Variants in EXOC6B observed in about 807,000 individuals in gnomAD.
EXOC6B encodes exocyst complex component 6B, also known as SEC15 homolog B.
Under a neutral mutation model 113.5 loss-of-function variants are expected in EXOC6B, and 54 were observed. The ratio of observed to expected loss-of-function variants is 0.48; its 90% CI spans 0.38 to 0.60. The LOEUF (loss-of-function observed/expected upper bound fraction) is 0.60. Among genes scored for constraint, EXOC6B ranks in the 20% least tolerant of loss-of-function variants. The pLI, the probability that EXOC6B is intolerant of heterozygous loss-of-function variation, is 0.00. For missense variants in EXOC6B, 797 were observed against 977.5 expected (o/e 0.82, Z 2.46); for synonymous variants, 357 against 339.0 (o/e 1.05, Z -0.58).
intron 6 of EXOC6B, among the ~76,000 whole-genome samples, chr2:72,611,204 A>T (rs1037697760): frequency 1.3e-5 from 2 of 152,140 alleles, no homozygotes; most frequent in Non-Finnish European, 2.9e-5. Flanking sequence ...TCTACTAAAA[A>T]ATACAAAAAA....
At chr2:72,643,441 G>T (rs867889796) in intron 6 of EXOC6B, among the ~76,000 whole-genome samples, 1,717 of 148,278 alleles carry the variant, frequency 0.012, 39 homozygotes, top group African/African-American at 0.041. Flanking sequence ...CCATAAAAAA[G>T]GATGAGTTCA....
At chr2:72,317,401 T>C (rs1422962464) in intron 20 of EXOC6B, among the ~76,000 whole-genome samples, 2 of 151,922 alleles carry the variant, frequency 1.3e-5, no homozygotes, top group Non-Finnish European at 2.9e-5. Flanking sequence ...AAAAAAGATA[T>C]GCCACACAGA....
intron 20 of EXOC6B, among the ~76,000 whole-genome samples, chr2:72,302,449 G>A (rs1686588350): frequency 6.6e-6 from 1 of 151,958 alleles, no homozygotes; most frequent in Admixed American, 6.6e-5. Context: ...TGTTGTTATT[G>A]CACAGGAGTC....
At chr2:72,203,888 C>CAGGCTGTGGGCCTTCA (rs1679657450) in intron 20 of EXOC6B, among the ~76,000 whole-genome samples, 1 of 152,230 alleles carries the variant, frequency 6.6e-6, no homozygotes, top group African/African-American at 2.4e-5. Context: ...TGTTGACGCT[C>CAGGCTGTGGGCCTTCA]AGGCTGTGGG....
At chr2:72,513,338 C>A in intron 10 of EXOC6B, 86 bp from the exon 11 acceptor site, 1 of 1,486,060 alleles carries the variant, frequency 6.7e-7, no homozygotes, top group Non-Finnish European at 9.1e-7. Context: ...TTAAGAGATA[C>A]CATCAAATGC....
At chr2:72,376,500 T>G (rs1378988342) in intron 19 of EXOC6B, among the ~76,000 whole-genome samples, 1 of 152,188 alleles carries the variant, frequency 6.6e-6, no homozygotes, top group Non-Finnish European at 1.5e-5. Context: ...TTTCTCTTTA[T>G]TATTGTTTAT....
chr2:72,492,372 A>G lies in EXOC6B; in HGVS notation c.1611T>C (p.Thr537=), dbSNP rs770897941. The change falls in exon 16 of 22, where the codon ACT becomes ACC. Residue 537 remains threonine, a synonymous_variant. Transcript: ENST00000272427. ...TTACATTCTGCAGAGAGTTGCTCAG[A>G]GTCCTGGTTAGCAACAGGTTTGTTG... ...RKSTNLLLTR[T]LSNSLQNVIK... is the part of the protein sequence containing the mutation. 1 of 1,613,112 alleles carries G rather than the reference A, an allele frequency of 6.2e-7. No homozygotes were observed. Among genetic ancestry groups the G allele is most frequent in the South Asian group, 1.1e-5 (1 of 91,050 alleles).
chr2:72,435,329 T>A (rs1373858790), intron 18 of EXOC6B, among the ~76,000 whole-genome samples: 1 of 152,208 alleles, frequency 6.6e-6, no homozygotes, highest in Non-Finnish European at 1.5e-5. Flanking sequence ...CTTCCAAATG[T>A]ATGGTCAATT....
chr2:72,521,695 CTTTG>C (rs1375705936), intron 8 of EXOC6B, among the ~76,000 whole-genome samples: 2 of 152,018 alleles, frequency 1.3e-5, no homozygotes, highest in African/African-American at 2.4e-5. Flanking sequence ...GCAAGCAAGG[CTTTG>C]TTTAACTTTT....
chr2:72,663,349 T>G (rs978320466), intron 6 of EXOC6B, among the ~76,000 whole-genome samples: 4 of 152,180 alleles, frequency 2.6e-5, no homozygotes, highest in Admixed American at 1.3e-4. Flanking sequence ...ACAGATAAGT[T>G]ATTTTCAGGA....
intron 20 of EXOC6B, among the ~76,000 whole-genome samples, chr2:72,282,943 T>A (rs1685218096): frequency 6.6e-6 from 1 of 151,978 alleles, no homozygotes. Flanking sequence ...GAGAAATAAA[T>A]CCATAATCAT....
intron 1 of EXOC6B, among the ~76,000 whole-genome samples, chr2:72,785,303 G>T (rs771112372): frequency 1.6e-4 from 24 of 152,184 alleles, no homozygotes; most frequent in Non-Finnish European, 2.8e-4. Context: ...GCTGTCAGTG[G>T]ATCTATCATT....
At chr2:72,614,032 G>T (rs114646777) in intron 6 of EXOC6B, among the ~76,000 whole-genome samples, 14 of 152,188 alleles carry the variant, frequency 9.2e-5, no homozygotes, top group Non-Finnish European at 1.9e-4. Flanking sequence ...AACCACAAAA[G>T]CACAGTTGGA....
intron 6 of EXOC6B, among the ~76,000 whole-genome samples, chr2:72,643,435 A>T (rs1673424439): frequency 6.7e-6 from 1 of 149,504 alleles, no homozygotes; most frequent in African/African-American, 2.5e-5. Context: ...ATGCAGCCAT[A>T]AAAAAGGATG....
intron 20 of EXOC6B, among the ~76,000 whole-genome samples, chr2:72,284,882 C>T (rs1685332070): frequency 6.6e-6 from 1 of 151,958 alleles, no homozygotes; most frequent in Non-Finnish European, 1.5e-5. Flanking sequence ...TTTATATAAG[C>T]ACCCCCAGAA....
chr2:72,773,399 G>A (rs1323254798), intron 1 of EXOC6B, among the ~76,000 whole-genome samples: 24 of 149,914 alleles, frequency 1.6e-4, no homozygotes, highest in Non-Finnish European at 3.1e-4. Flanking sequence ...CAAGGTGTTG[G>A]GATTACAGGT....
chr2:72,710,331 A>G (rs1157123207), intron 6 of EXOC6B, among the ~76,000 whole-genome samples: 2 of 152,106 alleles, frequency 1.3e-5, no homozygotes, highest in African/African-American at 2.4e-5. Context: ...TTTAAATTTA[A>G]TGGTCATATA....
intron 20 of EXOC6B, among the ~76,000 whole-genome samples, chr2:72,222,315 CA>C (rs1680926147): frequency 6.6e-6 from 1 of 152,098 alleles, no homozygotes; most frequent in African/African-American, 2.4e-5. Context: ...CAATTGATCG[CA>C]AAAGGCTTTC....
At chr2:72,681,649 T>A (rs1289154459) in intron 6 of EXOC6B, among the ~76,000 whole-genome samples, 1 of 152,114 alleles carries the variant, frequency 6.6e-6, no homozygotes, top group African/African-American at 2.4e-5. Context: ...CAGTGGACTA[T>A]ATACTTGAGC....
Sources: gnomAD v4.1 joint callset for allele counts (sites outside exome capture counted in the v4.1 genomes callset) on GRCh38, gnomAD v4.1.1 for gene constraint, MANE v1.5 for transcripts, NCBI Gene and HGNC (gene_info 2026-07-23, HGNC 2026-07-21) for gene names.